Variants in PTPRT observed in about 807,000 individuals in gnomAD.
PTPRT encodes receptor-type tyrosine-protein phosphatase T.
A neutral mutation model predicts 176.8 loss-of-function variants in PTPRT; 56 were observed. The ratio of observed to expected loss-of-function variants is 0.32; its 90% CI spans 0.26 to 0.40. PTPRT has a LOEUF of 0.40. Ranked by LOEUF, PTPRT falls within the 10% of genes least tolerant of loss-of-function variation. PTPRT has a pLI of 1.00. For missense variants in PTPRT, 1,540 were observed against 1,908.2 expected, an observed-to-expected ratio of 0.81 and a Z score of 3.60; for synonymous variants, 783 against 739.0, an observed-to-expected ratio of 1.06 and a Z score of -0.96.
intron 8 of PTPRT, among the ~76,000 whole-genome samples, chr20:42,466,505 A>G (rs2071104734): frequency 6.6e-6 from 1 of 152,202 alleles, no homozygotes; most frequent in Non-Finnish European, 1.5e-5. Context: ...AAAAACTGAA[A>G]TCTTTAACCT....
intron 1 of PTPRT, among the ~76,000 whole-genome samples, chr20:43,006,233 A>G (rs1383849777): frequency 6.6e-6 from 1 of 152,250 alleles, no homozygotes; most frequent in Non-Finnish European, 1.5e-5. Context: ...AAAAATTAAT[A>G]AAAGAGGTCA....
At chr20:42,156,261 C>T (rs1989347191) in intron 17 of PTPRT, among the ~76,000 whole-genome samples, 6 of 152,190 alleles carry the variant, frequency 3.9e-5, no homozygotes, top group Admixed American at 3.9e-4. Flanking sequence ...TCTATGGTGG[C>T]ATTTTTTGGC....
At chr20:43,025,191 C>T (rs925029612) in intron 1 of PTPRT, among the ~76,000 whole-genome samples, 4 of 152,156 alleles carry the variant, frequency 2.6e-5, no homozygotes, top group Non-Finnish European at 5.9e-5. Flanking sequence ...AACTAGATAC[C>T]TTACAAATGT....
chr20:42,262,544 T>C (rs750494072), intron 13 of PTPRT, among the ~76,000 whole-genome samples: 2 of 152,154 alleles, frequency 1.3e-5, no homozygotes, highest in African/African-American at 2.4e-5. Flanking sequence ...AAATACTGGA[T>C]TGAAAACTAG....
chr20:42,544,311 C>A (rs1258523730), intron 7 of PTPRT, among the ~76,000 whole-genome samples: 1 of 152,222 alleles, frequency 6.6e-6, no homozygotes, highest in Non-Finnish European at 1.5e-5. Flanking sequence ...GGCTGCTTCA[C>A]CTTACACTTC....
Position 42,131,820 on chromosome 20 carries a change from G to A in PTPRT, c.2771-2990C>T, listed in dbSNP as rs559579719. ...GGGCTTTGTGTAGTGACATGTGAAT[G>A]AGGAATTAAAAATGAGTAAGGTTTG... is the stretch of plus-strand genomic sequence containing the variant. On this transcript the variant is annotated intron_variant, in intron 18 of 30. Transcript: ENST00000373187. Among the ~76,000 whole-genome samples the A allele has an allele frequency of 3.3e-5, 5 of 152,346 alleles. No homozygotes were observed. In the South Asian group the frequency reaches 8.3e-4, roughly 25 times the overall value.
At chr20:42,446,879 T>A (rs1418434967) in intron 9 of PTPRT, among the ~76,000 whole-genome samples, 1 of 152,086 alleles carries the variant, frequency 6.6e-6, no homozygotes, top group Non-Finnish European at 1.5e-5. Context: ...CATCTGGTAA[T>A]CCTGAGAGCT....
intron 16 of PTPRT, among the ~76,000 whole-genome samples, chr20:42,192,026 G>A (rs1991022425): frequency 6.6e-6 from 1 of 152,096 alleles, no homozygotes; most frequent in African/African-American, 2.4e-5. Flanking sequence ...TCTTAGCTTG[G>A]GGTCATCAAT....
intron 7 of PTPRT, among the ~76,000 whole-genome samples, chr20:42,605,745 C>T (rs999849761): frequency 2.0e-5 from 3 of 152,188 alleles, no homozygotes; most frequent in Non-Finnish European, 2.9e-5. Flanking sequence ...TACCAGGAAA[C>T]GGGCTCTCTC....
intron 1 of PTPRT, among the ~76,000 whole-genome samples, chr20:43,104,010 C>G (rs1181438856): frequency 6.6e-6 from 1 of 152,146 alleles, no homozygotes; most frequent in Non-Finnish European, 1.5e-5. Flanking sequence ...AGTAATTGCA[C>G]TTTGTAACTT....
chr20:42,276,496 A>AATATATATATATATATAT (rs61484693), intron 13 of PTPRT, among the ~76,000 whole-genome samples: 1 of 44,192 alleles, frequency 2.3e-5, no homozygotes, highest in Non-Finnish European at 4.7e-5. Flanking sequence ...GAAAGAAGGA[A>AATATATATATATATATAT]ATATATATAT....
intron 1 of PTPRT, among the ~76,000 whole-genome samples, chr20:42,937,775 A>G (rs1980287542): frequency 1.3e-5 from 2 of 152,178 alleles, no homozygotes; most frequent in African/African-American, 4.8e-5. Context: ...ACCATCCATA[A>G]TCACTGAAGA....
intron 11 of PTPRT, among the ~76,000 whole-genome samples, chr20:42,330,746 T>C (rs1247639777): frequency 6.6e-6 from 1 of 152,120 alleles, no homozygotes; most frequent in Non-Finnish European, 1.5e-5. Flanking sequence ...GTTATTGTTA[T>C]ACTTAACAAA....
intron 1 of PTPRT, among the ~76,000 whole-genome samples, chr20:42,903,173 G>T (rs1026082833): frequency 6.6e-6 from 1 of 152,202 alleles, no homozygotes; most frequent in Non-Finnish European, 1.5e-5. Context: ...TAGGCATCAG[G>T]CCAGACATTC....
At chr20:42,807,458 G>A (rs945448900) in intron 2 of PTPRT, among the ~76,000 whole-genome samples, 18 of 152,116 alleles carry the variant, frequency 1.2e-4, no homozygotes, top group African/African-American at 4.3e-4. Context: ...TGGACTCTGT[G>A]TATGGTGGAA....
Position 43,148,128 on chromosome 20 carries a change from C to T in PTPRT, c.88+41518G>A, listed in dbSNP as rs560828557. ...CCCTGGGCTGGTTGGGTGGGGGGATCTGCCTCCATGTTTAACCTCATCTTG... is the reference window on the plus strand; with the variant it reads ...CCCTGGGCTGGTTGGGTGGGGGGATTTGCCTCCATGTTTAACCTCATCTTG... On this transcript the variant is annotated intron_variant, in intron 1 of 30. Coordinates refer to ENST00000373187, the MANE Select transcript of PTPRT (RefSeq NM_007050.6). Among the ~76,000 whole-genome samples the T allele has an allele frequency of 5.3e-5, 8 of 152,252 alleles. No individual in the cohort carries two copies. The South Asian group carries it at 1.7e-3, about 32-fold the overall frequency.
intron 1 of PTPRT, among the ~76,000 whole-genome samples, chr20:43,171,041 T>C (rs1243331487): frequency 6.6e-6 from 1 of 152,196 alleles, no homozygotes; most frequent in Non-Finnish European, 1.5e-5. Context: ...TGCATTTCTT[T>C]ATAGTAATGC....
rs568448986 is a variant in PTPRT at position 42,783,478 on chromosome 20, T to C, written c.487-3179A>G. ...AAATGGTAATAATCTATGAATGTAA[T>C]TGTGTAAAATGACACTGAGTATGAT... On this transcript the variant is annotated intron_variant, in intron 3 of 30. Coordinates refer to ENST00000373187, the MANE Select transcript of PTPRT (RefSeq NM_007050.6). Among the ~76,000 whole-genome samples the C allele has an allele frequency of 3.3e-5, 5 of 152,130 alleles. No homozygotes were observed. The East Asian group carries it at 9.7e-4, about 29-fold the overall frequency.
intron 1 of PTPRT, among the ~76,000 whole-genome samples, chr20:42,997,791 A>C (rs75753356): frequency 0.012 from 1,751 of 152,236 alleles, 46 homozygotes; most frequent in African/African-American, 0.04. Flanking sequence ...GTAACTTTCC[A>C]AAGTCACACA....
Sources: allele counts gnomAD v4.1 joint callset (sites outside exome capture counted in the v4.1 genomes callset), GRCh38; gene constraint gnomAD v4.1.1; transcripts MANE v1.5; gene names NCBI Gene and HGNC (gene_info 2026-07-23, HGNC 2026-07-21).